The following FIBCD1 variants were observed in gnomAD, a reference collection of about 807,000 sequenced individuals.
FIBCD1 encodes fibrinogen C domain-containing protein 1.
FIBCD1 carries 47 observed loss-of-function variants against 45.1 expected under a neutral mutation model. That is an observed-to-expected ratio of 1.04 (90% CI 0.82 to 1.33). The LOEUF (loss-of-function observed/expected upper bound fraction) is 1.33. Ranked by LOEUF, FIBCD1 falls within the 40% of genes most tolerant of loss-of-function variation. The probability of loss-of-function intolerance (pLI) is 0.00; values close to 1 mark genes in which losing one functional copy is unlikely to be tolerated. For missense variants in FIBCD1, 653 were observed against 682.2 expected (o/e 0.96, Z 0.48); for synonymous variants, 313 against 308.1 (o/e 1.02, Z -0.17).
intron 6 of FIBCD1, among the ~76,000 whole-genome samples, chr9:130,904,647 AC>A (rs144769166): frequency 0.13 from 19,183 of 152,126 alleles, 1,271 homozygotes; most frequent in Non-Finnish European, 0.15. Flanking sequence ...GAGAGGGGAA[AC>A]CCAGCCCAGG....
At chr9:130,904,877 T>C (rs1209910619) in intron 6 of FIBCD1, among the ~76,000 whole-genome samples, 5 of 152,146 alleles carry the variant, frequency 3.3e-5, no homozygotes, top group Non-Finnish European at 4.4e-5. Context: ...AACACTATTA[T>C]GAAAAAACGA....
intron 5 of FIBCD1, among the ~76,000 whole-genome samples, chr9:130,907,221 G>A (rs931641046): frequency 6.6e-6 from 1 of 151,848 alleles, no homozygotes; most frequent in Non-Finnish European, 1.5e-5. Context: ...GACAATTCAT[G>A]AGCGGTGTCC....
At chr9:130,930,323 GACGGGGAGAC>G (rs1200313388) in intron 1 of FIBCD1, among the ~76,000 whole-genome samples, 94 of 151,744 alleles carry the variant, frequency 6.2e-4, no homozygotes, top group African/African-American at 1.9e-3. Context: ...CATAGGGAGA[GACGGGGAGAC>G]GCGGGGAGAC....
intron 5 of FIBCD1, among the ~76,000 whole-genome samples, chr9:130,908,725 T>C (rs11793171): frequency 0.14 from 21,386 of 152,166 alleles, 1,520 homozygotes; most frequent in Non-Finnish European, 0.15. Flanking sequence ...AGCTGGGTGC[T>C]CAGTGGGTTG....
At chr9:130,908,886 C>T (rs765981527) in intron 5 of FIBCD1, among the ~76,000 whole-genome samples, 1 of 152,092 alleles carries the variant, frequency 6.6e-6, no homozygotes, top group Non-Finnish European at 1.5e-5. Context: ...AGATCTTGCC[C>T]AGGGGCCTCC....
At chr9:130,939,926 C>A (rs1031916278), upstream of FIBCD1, among the ~76,000 whole-genome samples, 2 of 152,030 alleles carry the variant, frequency 1.3e-5, no homozygotes, top group African/African-American at 2.4e-5. Context: ...CCCGCCGCCC[C>A]GCCGAGCCCG....
chr9:130,912,919 C>G (rs971135111), intron 4 of FIBCD1, among the ~76,000 whole-genome samples: 1 of 152,110 alleles, frequency 6.6e-6, no homozygotes, highest in Non-Finnish European at 1.5e-5. Flanking sequence ...GCCTCCAGAG[C>G]CCTGTCCCTC....
chr9:130,903,738 C>A lies in FIBCD1; in HGVS notation c.*326G>T. 6.4e-6 allele frequency: 3 copies of A among 470,896 alleles called. No homozygotes were observed. The highest frequency in any genetic ancestry group is 6.2e-5 in the South Asian group (3 of 48,620). The allele number at this position is 470,896 out of a possible 1,614,324, so 29.2% of individuals were successfully genotyped here. ...CGGGCAGGGCAGAGGGTGCCTGGGG[C>A]AGACTCCACCATCCTGGCCAGGGGA... is the stretch of plus-strand genomic sequence containing the variant. On this transcript the variant is annotated 3_prime_UTR_variant, in exon 7 of 7. Transcript: ENST00000372338.
In FIBCD1 at chr9:130,903,718, A is replaced by C; in HGVS notation, c.*346T>G. On this transcript the variant is annotated 3_prime_UTR_variant, in exon 7 of 7. Coordinates refer to ENST00000372338, the MANE Select transcript of FIBCD1 (RefSeq NM_032843.5). ...CATAATGCCGGGTATTTGGCCGGGC[A>C]GGGCAGAGGGTGCCTGGGGCAGACT... 1 of 427,752 alleles carries C rather than the reference A, an allele frequency of 2.3e-6. No individual in the cohort carries two copies. The allele number at this position is 427,752 out of a possible 1,614,324, so 26.5% of individuals were successfully genotyped here.
intron 4 of FIBCD1, among the ~76,000 whole-genome samples, chr9:130,915,082 T>G (rs1263732073): frequency 2.0e-5 from 3 of 152,234 alleles, no homozygotes; most frequent in Admixed American, 2.0e-4. Context: ...TGAAGGCTAA[T>G]GTCCTGACAC....
At chr9:130,933,440 G>C (rs1489040037) in intron 1 of FIBCD1, among the ~76,000 whole-genome samples, 1 of 152,186 alleles carries the variant, frequency 6.6e-6, no homozygotes, top group Non-Finnish European at 1.5e-5. Flanking sequence ...GTGAGCAGGA[G>C]AGAGACCGGG....
At chr9:130,914,365 CAG>C (rs1419868866) in intron 4 of FIBCD1, among the ~76,000 whole-genome samples, 1 of 152,242 alleles carries the variant, frequency 6.6e-6, no homozygotes, top group African/African-American at 2.4e-5. Context: ...GGCAAAGGAA[CAG>C]AGGAGACACC....
chr9:130,929,868 C>A lies in FIBCD1; in HGVS notation c.251G>T (p.Arg84Met), dbSNP rs1588112698. 6.5e-7 allele frequency: 1 copy of A among 1,549,656 alleles called. No individual in the cohort carries two copies. Among genetic ancestry groups the A allele is most frequent in the Non-Finnish European group, 8.7e-7 (1 of 1,146,668 alleles). The change falls in exon 2 of 7, where the codon AGG (arginine) becomes ATG (methionine). Residue 84 changes from arginine to methionine, a missense_variant. Transcript: ENST00000372338. ...SANSALVTVE[R>M]ADSSHLSILI... The stretch of plus-strand genomic sequence containing the variant: ...GATGCTGAGGTGCGAGCTGTCCGCC[C>A]TTTCCACAGTGACCAGGGCGCTGTT...
intron 4 of FIBCD1, among the ~76,000 whole-genome samples, chr9:130,913,956 GGGTTCCAGGGCCCCA>G: frequency 6.6e-6 from 1 of 152,112 alleles, no homozygotes; most frequent in Non-Finnish European, 1.5e-5. Context: ...TTGTGGATCT[GGGTTCCAGGGCCCCA>G]GCTTTGCCTT....
chr9:130,911,035 A>G (rs1442493853), intron 5 of FIBCD1, among the ~76,000 whole-genome samples: 1 of 152,158 alleles, frequency 6.6e-6, no homozygotes, highest in Non-Finnish European at 1.5e-5. Context: ...GGGTGGGGCC[A>G]CATAAGAGAA....
intron 6 of FIBCD1, among the ~76,000 whole-genome samples, chr9:130,905,029 TAAA>T (rs1328108528): frequency 6.6e-6 from 1 of 152,196 alleles, no homozygotes; most frequent in African/African-American, 2.4e-5. Context: ...ATTTATTACT[TAAA>T]AAAAATTTAG....
intron 4 of FIBCD1, among the ~76,000 whole-genome samples, chr9:130,916,407 C>T (rs2133089202): frequency 6.6e-6 from 1 of 152,374 alleles, no homozygotes; most frequent in African/African-American, 2.4e-5. Context: ...CCCCAAGTGA[C>T]TGCCTGTGCC....
chr9:130,937,587 G>A (rs1469032869), intron 1 of FIBCD1, among the ~76,000 whole-genome samples: 1 of 152,204 alleles, frequency 6.6e-6, no homozygotes, highest in African/African-American at 2.4e-5. Context: ...CTGCAAGCAC[G>A]AACTGTTCCT....
At chr9:130,904,345 T>G (rs781235303) in intron 6 of FIBCD1, 22 bp from the exon 7 acceptor site, 6 of 1,584,340 alleles carry the variant, frequency 3.8e-6, no homozygotes, top group Non-Finnish European at 2.6e-6. Context: ...TGCACACAGG[T>G]GTGGGCACGG....
Sources: gnomAD v4.1 joint callset for allele counts (sites outside exome capture counted in the v4.1 genomes callset) on GRCh38, gnomAD v4.1.1 for gene constraint, MANE v1.5 for transcripts, NCBI Gene and HGNC (gene_info 2026-07-23, HGNC 2026-07-21) for gene names.